NRXN3: variants seen among roughly 807,000 people sequenced by gnomAD.
NRXN3 encodes neurexin 3.
NRXN3 carries 32 observed loss-of-function variants against 137.6 expected under a neutral mutation model. That is an observed-to-expected ratio of 0.23 (90% CI 0.18 to 0.31). The LOEUF is 0.31. Ranked by LOEUF, NRXN3 falls within the 10% of genes least tolerant of loss-of-function variation. The pLI, the probability that NRXN3 is intolerant of heterozygous loss-of-function variation, is 1.00. For synonymous variants in NRXN3, 798 were observed against 784.5 expected, an observed-to-expected ratio of 1.02 and a Z score of -0.29; for missense variants, 1,574 against 2,062.5, an observed-to-expected ratio of 0.76 and a Z score of 4.59.
intron 15 of NRXN3, among the ~76,000 whole-genome samples, chr14:79,189,405 G>T (rs1253215522): frequency 2.7e-5 from 3 of 109,176 alleles, no homozygotes; most frequent in Non-Finnish European, 5.3e-5. Context: ...GGGGAGGGGG[G>T]AGGGATAGCT....
chr14:79,241,014 C>A (rs1029116561), intron 15 of NRXN3, among the ~76,000 whole-genome samples: 96 of 152,066 alleles, frequency 6.3e-4, no homozygotes, highest in African/African-American at 2.3e-3. Flanking sequence ...ATATCTTTAT[C>A]TTTGCAACAT....
At chr14:78,298,005 T>C in intron 4 of NRXN3, 145 bp downstream of exon 4, 2 of 850,364 alleles carry the variant, frequency 2.4e-6, no homozygotes, top group Non-Finnish European at 3.6e-6. Context: ...AGGACCACCC[T>C]GCAGTGGGGG....
At chr14:79,103,442 C>A (rs2051740507) in intron 15 of NRXN3, among the ~76,000 whole-genome samples, 1 of 152,128 alleles carries the variant, frequency 6.6e-6, no homozygotes, top group African/African-American at 2.4e-5. Flanking sequence ...AGGAACAACA[C>A]GTTCTTGGGA....
rs73326044 is a variant in NRXN3, at chr14:79,571,934, C to T, written c.3445-91844C>T. Among the ~76,000 whole-genome samples, 533 of 152,228 alleles carry T rather than the reference C, an allele frequency of 3.5e-3. 4 individuals are homozygous for T. The highest frequency in any genetic ancestry group is 0.012 in the African/African-American group (500 of 41,542). The stretch of plus-strand genomic sequence containing the variant: ...CCACTCGGAGCAACTCAAACTATTT[C>T]CCTACAGATTTTCCTGTAGAGAATG... On this transcript the variant is annotated intron_variant, in intron 16 of 20. Coordinates refer to ENST00000335750, the MANE Select transcript of NRXN3 (RefSeq NM_001330195.2).
intron 6 of NRXN3, among the ~76,000 whole-genome samples, chr14:78,667,094 A>G (rs2152700898): frequency 6.6e-6 from 1 of 152,156 alleles, no homozygotes; most frequent in East Asian, 1.9e-4. Flanking sequence ...CACCTGCTTG[A>G]CTGATCACTG....
chr14:78,275,026 G>C (rs1292096455), intron 2 of NRXN3, among the ~76,000 whole-genome samples: 1 of 152,144 alleles, frequency 6.6e-6, no homozygotes, highest in Non-Finnish European at 1.5e-5. Context: ...TAGATCTTTT[G>C]CATTTGCTAT....
intron 15 of NRXN3, among the ~76,000 whole-genome samples, chr14:79,417,203 C>T (rs2153526086): frequency 6.6e-6 from 1 of 152,200 alleles, no homozygotes. Context: ...GCACCTGTGG[C>T]CCTATCTTAG....
chr14:79,472,012 G>A (rs1026590574), intron 16 of NRXN3, among the ~76,000 whole-genome samples: 2 of 151,872 alleles, frequency 1.3e-5, no homozygotes, highest in Admixed American at 6.6e-5. Context: ...CCCTCCCAAA[G>A]GCCCAGTGTG....
intron 4 of NRXN3, among the ~76,000 whole-genome samples, chr14:78,358,463 C>G (rs2153602523): frequency 6.6e-6 from 1 of 152,306 alleles, no homozygotes; most frequent in East Asian, 1.9e-4. Flanking sequence ...GAATTAATAA[C>G]TTTAGTCCTT....
At chr14:78,629,403 A>G (rs1286390848) in intron 4 of NRXN3, among the ~76,000 whole-genome samples, 8 of 152,212 alleles carry the variant, frequency 5.3e-5, no homozygotes, top group Non-Finnish European at 1.2e-4. Context: ...GCCCCAGCAG[A>G]TGGATGCTCA....
At chr14:79,769,695 C>G (rs566948784) in intron 19 of NRXN3, among the ~76,000 whole-genome samples, 2 of 152,132 alleles carry the variant, frequency 1.3e-5, no homozygotes, top group East Asian at 3.9e-4. Context: ...ACCATCGAGA[C>G]TAGGAAGAAA....
In NRXN3 at chr14:79,006,329, A is replaced by AAAACAAAC. The variant is rs145506734; in HGVS notation, c.3262+18208_3262+18215dup. ...TGAAAATAGGTGTGGTAAATGGCAA[A>AAAACAAAC]AAACAAACAAACAAACAAACAAACA... On this transcript the variant is annotated intron_variant, in intron 15 of 20. Coordinates refer to ENST00000335750, the MANE Select transcript of NRXN3 (RefSeq NM_001330195.2). 3.3e-5 allele frequency among the ~76,000 whole-genome samples: 5 copies of AAAACAAAC among 151,204 alleles called. No homozygotes were observed. In the East Asian group the frequency reaches 9.8e-4, roughly 30 times the overall value.
intron 4 of NRXN3, among the ~76,000 whole-genome samples, chr14:78,581,272 T>C (rs181860187): frequency 6.6e-6 from 1 of 152,316 alleles, no homozygotes; most frequent in East Asian, 1.9e-4. Flanking sequence ...ACAGACTGAA[T>C]AATTTATAAA....
chr14:79,178,856 TCAGCAG>T (rs1377864003), intron 15 of NRXN3, among the ~76,000 whole-genome samples: 1 of 152,180 alleles, frequency 6.6e-6, no homozygotes, highest in Non-Finnish European at 1.5e-5. Flanking sequence ...TGTCATTGAG[TCAGCAG>T]CTTTCTACCA....
chr14:78,628,496 A>G (rs1452751568), intron 4 of NRXN3, among the ~76,000 whole-genome samples: 1 of 152,240 alleles, frequency 6.6e-6, no homozygotes, highest in Admixed American at 6.5e-5. Context: ...AACCTGGCAC[A>G]TGACAAGTGT....
chr14:79,545,835 C>A (rs73326024), intron 16 of NRXN3, among the ~76,000 whole-genome samples: 186 of 152,022 alleles, frequency 1.2e-3, no homozygotes, highest in African/African-American at 4.3e-3. Context: ...CCTGAGTTGA[C>A]GTTCCTACTC....
intron 4 of NRXN3, among the ~76,000 whole-genome samples, chr14:78,502,635 C>A (rs1185414230): frequency 5.3e-5 from 8 of 152,142 alleles, no homozygotes; most frequent in Admixed American, 5.2e-4. Context: ...TCAAAAATGT[C>A]AGCTTTTACT....
chr14:78,988,459 T>C (rs2099511716), intron 15 of NRXN3, among the ~76,000 whole-genome samples: 1 of 152,242 alleles, frequency 6.6e-6, no homozygotes, highest in South Asian at 2.1e-4. Flanking sequence ...CAGTTCTTCA[T>C]GAATTAAATC....
chr14:78,837,669 G>A (rs1415136054), intron 10 of NRXN3, among the ~76,000 whole-genome samples: 2 of 152,080 alleles, frequency 1.3e-5, no homozygotes, highest in East Asian at 1.9e-4. Flanking sequence ...GGTGGAAGTC[G>A]CCTGTGGGTT....
Sources: allele counts gnomAD v4.1 joint callset (sites outside exome capture counted in the v4.1 genomes callset), GRCh38; gene constraint gnomAD v4.1.1; transcripts MANE v1.5; gene names NCBI Gene and HGNC (gene_info 2026-07-23, HGNC 2026-07-21).